The following MICU1 variants were observed in gnomAD, a reference collection of about 807,000 sequenced individuals.
The protein encoded by MICU1 is calcium uptake protein 1, mitochondrial.
Under a neutral mutation model 56.8 loss-of-function variants are expected in MICU1, and 45 were observed. The observed-to-expected ratio is 0.79, with a 90% confidence interval of 0.62 to 1.02. MICU1 has a LOEUF of 1.02. MICU1 is among the 50% of genes least tolerant of loss of function. The pLI, the probability that MICU1 is intolerant of heterozygous loss-of-function variation, is 0.00. For synonymous variants in MICU1, 186 were observed against 195.1 expected (o/e 0.95, Z 0.39); for missense variants, 504 against 587.1 (o/e 0.86, Z 1.46).
intron 1 of MICU1, among the ~76,000 whole-genome samples, chr10:72,576,463 T>C (rs1840749202): frequency 6.6e-6 from 1 of 152,200 alleles, no homozygotes; most frequent in Non-Finnish European, 1.5e-5. Context: ...AGCCACAACA[T>C]TCCCTTAAGC....
intron 1 of MICU1, among the ~76,000 whole-genome samples, chr10:72,599,710 TTC>T (rs1370193633): frequency 6.6e-6 from 1 of 152,160 alleles, no homozygotes; most frequent in African/African-American, 2.4e-5. Flanking sequence ...ACTTCCTGCC[TTC>T]TTTCTTCCTT....
chr10:72,428,699 C>T (rs1249601135), intron 8 of MICU1, among the ~76,000 whole-genome samples: 1 of 152,164 alleles, frequency 6.6e-6, no homozygotes, highest in African/African-American at 2.4e-5. Flanking sequence ...TCACAACAGT[C>T]AGACCAGGGA....
intron 6 of MICU1, among the ~76,000 whole-genome samples, chr10:72,487,943 TC>T (rs1328557927): frequency 6.6e-6 from 1 of 152,220 alleles, no homozygotes; most frequent in African/African-American, 2.4e-5. Flanking sequence ...ACACCTGTAA[TC>T]CTAGCACTTT....
intron 3 of MICU1, among the ~76,000 whole-genome samples, chr10:72,559,454 A>G (rs998577974): frequency 3.3e-5 from 5 of 151,762 alleles, no homozygotes; most frequent in African/African-American, 1.2e-4. Context: ...ATATAAAAAC[A>G]TATTACTCTA....
chr10:72,477,744 G>A, intron 6 of MICU1: 1 of 578,496 alleles, frequency 1.7e-6, no homozygotes, highest in Non-Finnish European at 3.0e-6. Context: ...GCAGTCAGGA[G>A]TTCTGGGCAT....
chr10:72,419,967 T>C (rs555065132), intron 9 of MICU1, among the ~76,000 whole-genome samples: 2 of 152,342 alleles, frequency 1.3e-5, no homozygotes, highest in South Asian at 4.1e-4. Context: ...TGTGCTGTTC[T>C]TTTGATAGTA....
intron 8 of MICU1, among the ~76,000 whole-genome samples, chr10:72,436,043 C>T (rs1864704982): frequency 6.6e-6 from 1 of 152,218 alleles, no homozygotes. Context: ...AGTGGTTCTC[C>T]CAGCACGGCG....
At chr10:72,585,252 A>G (rs980926221) in intron 1 of MICU1, among the ~76,000 whole-genome samples, 2 of 151,962 alleles carry the variant, frequency 1.3e-5, no homozygotes, top group Admixed American at 6.6e-5. Flanking sequence ...ATGCCCAGCT[A>G]ATTTTTGTAT....
chr10:72,470,043 A>T (rs142396779), intron 8 of MICU1, among the ~76,000 whole-genome samples: 237 of 152,324 alleles, frequency 1.6e-3, no homozygotes, highest in African/African-American at 5.4e-3. Flanking sequence ...TTGGGACATC[A>T]ACGTAGGAAT....
chr10:72,448,503 T>C (rs915024621), intron 8 of MICU1, among the ~76,000 whole-genome samples: 2 of 152,062 alleles, frequency 1.3e-5, no homozygotes, highest in African/African-American at 4.8e-5. Context: ...CACTAAACAT[T>C]ACATTGGAAA....
In MICU1 at chr10:72,454,970, A is replaced by C. The variant is rs915205367; in HGVS notation, c.933+20130T>G. 4.6e-5 allele frequency among the ~76,000 whole-genome samples: 7 copies of C among 152,280 alleles called. No individual in the cohort carries two copies. In the South Asian group the frequency reaches 1.5e-3, roughly 32 times the overall value. ...TTCCAATTACTTTGGTTAGTATCAC[A>C]GATGAGTAAGATCAGAGTTTGAACC... On this transcript the variant is annotated intron_variant, in intron 8 of 11. Coordinates refer to ENST00000361114, the MANE Select transcript of MICU1 (RefSeq NM_001195518.2).
At chr10:72,532,978 C>T (rs745663157) in intron 5 of MICU1, 2 of 1,281,520 alleles carry the variant, frequency 1.6e-6, no homozygotes, top group South Asian at 2.5e-5. Flanking sequence ...CATCTAGACC[C>T]TCTTTTGTGA....
Position 72,368,130 on chromosome 10 carries a change from G to A in MICU1, c.*65C>T. ...CAGAAGCAGCAGCACAAAGGGCTCT[G>A]CCGAGACTCTGCGGAGGGGGTCCAG... On this transcript the variant is annotated 3_prime_UTR_variant, in exon 12 of 12. Transcript: ENST00000361114. 2 of 1,526,482 alleles carry A rather than the reference G, an allele frequency of 1.3e-6. No individual in the cohort carries two copies. Among genetic ancestry groups the A allele is most frequent in the Non-Finnish European group, 1.8e-6 (2 of 1,120,714 alleles). 94.6% of individuals were successfully genotyped at this position (1,526,482 alleles called of 1,614,324 possible). A position where few individuals can be genotyped will look rare whatever the true frequency, so the allele number is the denominator to read the frequency against.
At chr10:72,562,513 C>T (rs61865729) in intron 3 of MICU1, among the ~76,000 whole-genome samples, 3,541 of 152,214 alleles carry the variant, frequency 0.023, 59 homozygotes, top group Non-Finnish European at 0.036. Flanking sequence ...GTTACTTGGT[C>T]TTCTAGAAGT....
chr10:72,603,343 T>C (rs1035447106), intron 1 of MICU1, among the ~76,000 whole-genome samples: 1 of 147,478 alleles, frequency 6.8e-6, no homozygotes, highest in Non-Finnish European at 1.5e-5. Flanking sequence ...GCTGAGATCA[T>C]GCCACTGCAA....
intron 8 of MICU1, among the ~76,000 whole-genome samples, chr10:72,446,239 G>T (rs1865099473): frequency 6.6e-6 from 1 of 152,172 alleles, no homozygotes; most frequent in Non-Finnish European, 1.5e-5. Flanking sequence ...TCCTGAGTAT[G>T]AAGAAATTTT....
intron 2 of MICU1, among the ~76,000 whole-genome samples, chr10:72,563,810 G>A (rs950689): frequency 0.099 from 15,004 of 152,072 alleles, 2,478 homozygotes; most frequent in African/African-American, 0.34. Flanking sequence ...GCCATAGAGC[G>A]CCTCCTTGTT....
intron 10 of MICU1, among the ~76,000 whole-genome samples, chr10:72,387,636 G>C (rs1589160135): frequency 2.0e-5 from 3 of 152,108 alleles, no homozygotes; most frequent in South Asian, 4.1e-4. Context: ...ATGAAACTTA[G>C]GAGAACCTAG....
chr10:72,376,526 C>G (rs1430587645), intron 10 of MICU1, among the ~76,000 whole-genome samples: 3 of 152,108 alleles, frequency 2.0e-5, no homozygotes, highest in African/African-American at 7.2e-5. Context: ...GCACCAGCTA[C>G]TTGGGAGGCT....
Sources: gnomAD v4.1 joint callset for allele counts (sites outside exome capture counted in the v4.1 genomes callset) on GRCh38, gnomAD v4.1.1 for gene constraint, MANE v1.5 for transcripts, NCBI Gene and HGNC (gene_info 2026-07-23, HGNC 2026-07-21) for gene names.